Variants in ABTB2 observed in about 807,000 individuals in gnomAD.
ABTB2 encodes ankyrin repeat and BTB/POZ domain-containing protein 2.
In ABTB2, 56 loss-of-function variants were observed where a neutral mutation model predicts 104.1. The ratio of observed to expected loss-of-function variants is 0.54; its 90% CI spans 0.43 to 0.67. The LOEUF (loss-of-function observed/expected upper bound fraction) is 0.67. Among genes scored for constraint, ABTB2 ranks in the 30% least tolerant of loss-of-function variants. The pLI is 0.00. For synonymous variants in ABTB2, 606 were observed against 608.2 expected, an observed-to-expected ratio of 1.00 and a Z score of 0.05; for missense variants, 1,279 against 1,407.7, an observed-to-expected ratio of 0.91 and a Z score of 1.46.
At chr11:34,170,755 A>G in intron 5 of ABTB2, 151 bp downstream of exon 5, 1 of 876,128 alleles carries the variant, frequency 1.1e-6, no homozygotes, top group South Asian at 2.1e-5. Context: ...CCACATGACC[A>G]GGCAGGGCAG....
chr11:34,334,736 A>G (rs974132019), intron 1 of ABTB2, among the ~76,000 whole-genome samples: 3 of 149,992 alleles, frequency 2.0e-5, no homozygotes, highest in African/African-American at 7.4e-5. Flanking sequence ...CTGTGCCTGT[A>G]ATGTACTCCT....
intron 1 of ABTB2, among the ~76,000 whole-genome samples, chr11:34,276,562 T>G (rs375678062): frequency 1.3e-5 from 2 of 152,214 alleles, no homozygotes; most frequent in East Asian, 3.8e-4. Flanking sequence ...TGCCATTTCA[T>G]CTCTGCTTTA....
intron 1 of ABTB2, among the ~76,000 whole-genome samples, chr11:34,265,334 C>T (rs757195246): frequency 6.6e-6 from 1 of 152,178 alleles, no homozygotes; most frequent in Non-Finnish European, 1.5e-5. Flanking sequence ...GACACCATGG[C>T]AGTTCTCAGC....
At chr11:34,307,001 A>AAG (rs926117674) in intron 1 of ABTB2, among the ~76,000 whole-genome samples, 3 of 150,744 alleles carry the variant, frequency 2.0e-5, no homozygotes, top group Non-Finnish European at 4.4e-5. Flanking sequence ...AAAAAAAAAA[A>AAG]AAAGAAAGAA....
At chr11:34,199,579 G>A (rs907320435) in intron 2 of ABTB2, among the ~76,000 whole-genome samples, 12 of 152,162 alleles carry the variant, frequency 7.9e-5, no homozygotes, top group African/African-American at 2.9e-4. Flanking sequence ...GACACAGTTG[G>A]CCTCAAATCA....
rs1314679099 is a variant in ABTB2, at chr11:34,252,570, G to A, written c.884-47880C>T. 1.3e-5 allele frequency among the ~76,000 whole-genome samples: 2 copies of A among 152,090 alleles called. No homozygotes were observed. The highest frequency in any genetic ancestry group is 2.9e-5 in the Non-Finnish European group (2 of 68,014). ...AACCCTCCAACCTGCCTGAAAGAGAGGAGAGCAGGGAGAGAGAATGGGGGG... is the reference window on the plus strand; with the variant it reads ...AACCCTCCAACCTGCCTGAAAGAGAAGAGAGCAGGGAGAGAGAATGGGGGG... On this transcript the variant is annotated intron_variant, in intron 1 of 16. Transcript: ENST00000435224. The surrounding 1 kb of genome is among the most constrained non-coding windows in gnomAD (Gnocchi z 5.5).
At chr11:34,258,015 G>A (rs1366863707) in intron 1 of ABTB2, among the ~76,000 whole-genome samples, 3 of 152,074 alleles carry the variant, frequency 2.0e-5, no homozygotes, top group Admixed American at 2.0e-4. Flanking sequence ...TGAGTCCCCA[G>A]CCCAGAGTCC....
chr11:34,263,582 T>G (rs1854214197), intron 1 of ABTB2, among the ~76,000 whole-genome samples: 1 of 152,170 alleles, frequency 6.6e-6, no homozygotes, highest in Non-Finnish European at 1.5e-5. Flanking sequence ...GGCTCTTCCC[T>G]GAGGCTCTCC....
chr11:34,239,004 C>T (rs571869417), intron 1 of ABTB2, among the ~76,000 whole-genome samples: 9 of 152,320 alleles, frequency 5.9e-5, no homozygotes, highest in South Asian at 4.1e-4. Flanking sequence ...CTGCCTGCTT[C>T]GGCCTCCCAG....
chr11:34,279,924 G>A (rs191699397), intron 1 of ABTB2, among the ~76,000 whole-genome samples: 243 of 151,790 alleles, frequency 1.6e-3, no homozygotes, highest in African/African-American at 5.3e-3. Context: ...AAATAGCTGG[G>A]ACTACAGGTG....
At chr11:34,241,961 T>C (rs1032127534) in intron 1 of ABTB2, among the ~76,000 whole-genome samples, 4 of 152,164 alleles carry the variant, frequency 2.6e-5, no homozygotes, top group African/African-American at 9.7e-5. Context: ...TTCCACACAT[T>C]GATTGAGCCT....
At position 34,252,023 on chromosome 11, in the gene ABTB2, C is replaced by A. The variant is rs1337926854; in HGVS notation, c.884-47333G>T. Among the ~76,000 whole-genome samples, 5 of 152,294 alleles carry A rather than the reference C, an allele frequency of 3.3e-5. No homozygotes were observed. In the East Asian group the frequency reaches 7.7e-4, roughly 24 times the overall value. On this transcript the variant is annotated intron_variant, in intron 1 of 16. Coordinates refer to ENST00000435224, the MANE Select transcript of ABTB2 (RefSeq NM_145804.3). This position sits in a 1 kb window ranked among gnomAD's most constrained non-coding sequence, Gnocchi z 5.5. ...TAAGCTGCCAAAGTCAGCCCCACCC[C>A]ACTCCCATCCCCTCCACCCAGGGGC...
chr11:34,208,610 C>T (rs1403323904), intron 1 of ABTB2, among the ~76,000 whole-genome samples: 2 of 152,096 alleles, frequency 1.3e-5, no homozygotes, highest in African/African-American at 4.8e-5. Context: ...CCCTAATCTT[C>T]CATTGCTCAA....
chr11:34,323,923 T>G (rs1225371978), intron 1 of ABTB2, among the ~76,000 whole-genome samples: 1 of 145,706 alleles, frequency 6.9e-6, no homozygotes, highest in Admixed American at 6.9e-5. Flanking sequence ...TTTTTTTTTT[T>G]TTTTTTTTGA....
intron 1 of ABTB2, among the ~76,000 whole-genome samples, chr11:34,344,663 G>C (rs1484397673): frequency 1.3e-5 from 2 of 152,094 alleles, no homozygotes; most frequent in African/African-American, 4.8e-5. Flanking sequence ...TACCTGGCTA[G>C]TTTTTGTATT....
chr11:34,211,719 ATACAAAAATTAC>A (rs1274099737), intron 1 of ABTB2, among the ~76,000 whole-genome samples: 1 of 151,694 alleles, frequency 6.6e-6, no homozygotes, highest in African/African-American at 2.4e-5. Flanking sequence ...CATGGTGAAA[ATACAAAAATTAC>A]TACAAAAATT....
intron 1 of ABTB2, among the ~76,000 whole-genome samples, chr11:34,244,082 G>C (rs934761705): frequency 2.0e-5 from 3 of 152,206 alleles, no homozygotes; most frequent in East Asian, 1.9e-4. Flanking sequence ...GCTAGCCCTG[G>C]AGATAGAAAA....
intron 1 of ABTB2, among the ~76,000 whole-genome samples, chr11:34,240,056 C>A (rs117157335): frequency 6.6e-6 from 1 of 152,252 alleles, no homozygotes; most frequent in East Asian, 1.9e-4. Flanking sequence ...AGTTAATGGA[C>A]ACAGAAGATT....
At chr11:34,333,541 A>C (rs749459090) in intron 1 of ABTB2, among the ~76,000 whole-genome samples, 33 of 152,178 alleles carry the variant, frequency 2.2e-4, no homozygotes, top group Non-Finnish European at 4.0e-4. Flanking sequence ...AGATCACTTG[A>C]GGTTAAGAGT....
Sources: allele counts gnomAD v4.1 joint callset (sites outside exome capture counted in the v4.1 genomes callset), GRCh38; gene constraint gnomAD v4.1.1; non-coding constraint Gnocchi (gnomAD v3.1); transcripts MANE v1.5; gene names NCBI Gene and HGNC (gene_info 2026-07-23, HGNC 2026-07-21).